ANO10: variants seen among roughly 807,000 people sequenced by gnomAD.
The protein encoded by ANO10 is anoctamin-10.
In ANO10, 77 loss-of-function variants were observed where a neutral mutation model predicts 74.7. The observed-to-expected ratio is 1.03, with a 90% CI of 0.86 to 1.25. The LOEUF (loss-of-function observed/expected upper bound fraction) is 1.25, where lower values mean the gene tolerates loss of function less well. Ranked by LOEUF, ANO10 falls within the 50% of genes most tolerant of loss-of-function variation. The probability of loss-of-function intolerance (pLI) is 0.00; values close to 1 mark genes in which losing one functional copy is unlikely to be tolerated. For missense variants in ANO10, 721 were observed against 778.1 expected (o/e 0.93, Z 0.87); for synonymous variants, 279 against 284.9 (o/e 0.98, Z 0.21).
Position 43,561,409 on chromosome 3 carries a change from A to C in ANO10, c.1294-7T>G, listed in dbSNP as rs1333331217. ...TTAGGAGAGTGGCCAAGCTCTAAAG[A>C]GAAGCACACAAATCACATTTTGGGA... is the stretch of plus-strand genomic sequence containing the variant. On this transcript the variant is annotated splice_polypyrimidine_tract_variant and splice_region_variant and intron_variant, in intron 8 of 12. Transcript: ENST00000292246. 6.2e-7 allele frequency: 1 copy of C among 1,613,398 alleles called. No individual in the cohort carries two copies. The highest frequency in any genetic ancestry group is 8.5e-7 in the Non-Finnish European group (1 of 1,179,476).
chr3:43,482,650 A>G (rs1230616000), intron 11 of ANO10, among the ~76,000 whole-genome samples: 1 of 152,110 alleles, frequency 6.6e-6, no homozygotes, highest in Admixed American at 6.6e-5. Context: ...ACTTCTCTCT[A>G]GCTTCTGAGG....
upstream of ANO10, among the ~76,000 whole-genome samples, chr3:43,624,403 T>C (rs1245226733): frequency 1.3e-5 from 2 of 152,152 alleles, no homozygotes; most frequent in Non-Finnish European, 2.9e-5. Flanking sequence ...GATTGGATCA[T>C]GGGGGTAGAT....
chr3:43,443,837 C>T lies in ANO10; in HGVS notation c.1798-11110G>A, dbSNP rs113343584. Reference sequence around the variant, plus strand: ...CTGGGATTACAGGCATGCACCACCACGCCTGGCTAATTTTTTTGTATTTTT... The same window carrying T: ...CTGGGATTACAGGCATGCACCACCATGCCTGGCTAATTTTTTTGTATTTTT... On this transcript the variant is annotated intron_variant, in intron 11 of 12. Transcript: ENST00000292246. Among the ~76,000 whole-genome samples, 888 of 151,912 alleles carry T rather than the reference C, an allele frequency of 5.8e-3. 8 individuals are homozygous for T. The highest frequency in any genetic ancestry group is 0.019 in the African/African-American group (804 of 41,426).
chr3:43,461,588 T>A (rs566268140), intron 11 of ANO10, among the ~76,000 whole-genome samples: 1 of 152,276 alleles, frequency 6.6e-6, no homozygotes, highest in South Asian at 2.1e-4. Context: ...TCACAAGATA[T>A]GATGGTTTAA....
chr3:43,380,988 G>A (rs562066364), intron 12 of ANO10, among the ~76,000 whole-genome samples: 6 of 152,256 alleles, frequency 3.9e-5, no homozygotes, highest in African/African-American at 1.2e-4. Flanking sequence ...AAGCAAATAC[G>A]TCCTTCTTCA....
chr3:43,530,039 C>T (rs972845449), intron 11 of ANO10, among the ~76,000 whole-genome samples: 3 of 152,000 alleles, frequency 2.0e-5, no homozygotes, highest in African/African-American at 4.8e-5. Context: ...AAGAGACACA[C>T]TTAGAGTGAT....
At chr3:43,676,682 A>G (rs2149579688) in intron 1 of ANO10, among the ~76,000 whole-genome samples, 1 of 152,262 alleles carries the variant, frequency 6.6e-6, no homozygotes, top group South Asian at 2.1e-4. Flanking sequence ...TTGTAATATC[A>G]TTTTGCAAAA....
intron 4 of ANO10, among the ~76,000 whole-genome samples, chr3:43,594,759 G>A (rs1357740890): frequency 1.3e-5 from 2 of 152,092 alleles, no homozygotes; most frequent in Admixed American, 6.5e-5. Flanking sequence ...AAATAACTAA[G>A]ATCAGAGCAG....
intron 11 of ANO10, among the ~76,000 whole-genome samples, chr3:43,462,196 G>T (rs2075408799): frequency 6.6e-6 from 1 of 152,142 alleles, no homozygotes. Context: ...GCATTCAACA[G>T]GTGACTTGGG....
intron 12 of ANO10, among the ~76,000 whole-genome samples, chr3:43,426,748 G>C (rs1187275859): frequency 6.6e-6 from 1 of 152,184 alleles, no homozygotes; most frequent in East Asian, 1.9e-4. Context: ...GCATCACTAG[G>C]ATGATATTTA....
intron 11 of ANO10, among the ~76,000 whole-genome samples, chr3:43,470,201 T>C (rs567936427): frequency 1.3e-5 from 2 of 152,200 alleles, no homozygotes; most frequent in African/African-American, 4.8e-5. Flanking sequence ...AAATCTTAAA[T>C]GGATACTGCT....
intron 1 of ANO10, among the ~76,000 whole-genome samples, chr3:43,641,638 T>G (rs1028455449): frequency 1.3e-5 from 2 of 152,244 alleles, no homozygotes; most frequent in East Asian, 1.9e-4. Context: ...GTACCATATA[T>G]TCTATTGAAA....
chr3:43,574,754 T>C, intron 7 of ANO10, 55 bp downstream of exon 7: 2 of 1,305,230 alleles, frequency 1.5e-6, no homozygotes, highest in Non-Finnish European at 2.2e-6. Context: ...TCCTATATAT[T>C]ATGTAGTATA....
intron 1 of ANO10, among the ~76,000 whole-genome samples, chr3:43,608,219 T>G (rs1424569826): frequency 6.6e-6 from 1 of 152,156 alleles, no homozygotes; most frequent in African/African-American, 2.4e-5. Flanking sequence ...ACAAAGTACC[T>G]TGAAGGGCAA....
At chr3:43,636,304 T>A (rs905063286) in intron 1 of ANO10, 2 of 152,044 alleles carry the variant, frequency 1.3e-5, no homozygotes, top group Non-Finnish European at 2.9e-5. Context: ...CCAAGGGAGG[T>A]TAATTTTTCT....
intron 11 of ANO10, among the ~76,000 whole-genome samples, chr3:43,495,061 C>A (rs1218463587): frequency 2.0e-5 from 3 of 151,610 alleles, no homozygotes; most frequent in Non-Finnish European, 4.4e-5. Context: ...TGGATTGGCT[C>A]AAAAACAGAC....
At chr3:43,684,945 T>C (rs1336823579) in intron 1 of ANO10, among the ~76,000 whole-genome samples, 1 of 151,812 alleles carries the variant, frequency 6.6e-6, no homozygotes, top group African/African-American at 2.4e-5. Context: ...GTCGGGGGCA[T>C]GGGGAGGGAT....
chr3:43,437,103 T>C (rs1228738423), intron 11 of ANO10, among the ~76,000 whole-genome samples: 1 of 152,218 alleles, frequency 6.6e-6, no homozygotes, highest in Non-Finnish European at 1.5e-5. Context: ...AATTAGGCTC[T>C]TAAGAAAACA....
intron 11 of ANO10, among the ~76,000 whole-genome samples, chr3:43,509,222 G>A (rs547096130): frequency 7.0e-4 from 107 of 151,902 alleles, no homozygotes; most frequent in Non-Finnish European, 1.3e-3. Flanking sequence ...CTGTTGTGGG[G>A]TGGAGGGAGG....
Sources: allele counts gnomAD v4.1 joint callset (sites outside exome capture counted in the v4.1 genomes callset), GRCh38; gene constraint gnomAD v4.1.1; transcripts MANE v1.5; gene names NCBI Gene and HGNC (gene_info 2026-07-23, HGNC 2026-07-21).